Variants in LINGO2 observed in about 807,000 individuals in gnomAD.
The protein encoded by LINGO2 is leucine rich repeat and Ig domain containing 2, also known as leucine-rich repeat and immunoglobulin-like domain-containing nogo receptor-interacting protein 2.
Under a neutral mutation model 30.6 loss-of-function variants are expected in LINGO2, and 14 were observed. That is an observed-to-expected ratio of 0.46 (90% CI 0.30 to 0.72). The LOEUF (loss-of-function observed/expected upper bound fraction) is 0.72. LINGO2 is among the 30% of genes least tolerant of loss of function. The probability of loss-of-function intolerance (pLI) is 0.07; values close to 1 mark genes in which losing one functional copy is unlikely to be tolerated. For synonymous variants in LINGO2, 317 were observed against 288.5 expected (o/e 1.10, Z -1.00); for missense variants, 729 against 751.7 (o/e 0.97, Z 0.35).
chr9:28,736,898 T>G, the LINGO2 span, among the ~76,000 whole-genome samples: 1 of 152,220 alleles, frequency 6.6e-6, no homozygotes, highest in South Asian at 2.1e-4. Context: ...GCAGGCATTC[T>G]GTGCTTATGA....
intron 1 of LINGO2, among the ~76,000 whole-genome samples, chr9:28,591,624 T>C (rs1012957941): frequency 1.3e-5 from 2 of 151,986 alleles, no homozygotes; most frequent in African/African-American, 4.8e-5. Context: ...TAGATGGGTA[T>C]TTTGGAGAAG....
At chr9:28,836,383 C>T in the LINGO2 span, among the ~76,000 whole-genome samples, 8 of 152,164 alleles carry the variant, frequency 5.3e-5, no homozygotes, top group Admixed American at 4.6e-4. Context: ...GGGGCGATCT[C>T]GGCTCACCAC....
the LINGO2 span, among the ~76,000 whole-genome samples, chr9:28,693,639 T>G: frequency 6.6e-6 from 1 of 152,244 alleles, no homozygotes. Context: ...AATCTTAATC[T>G]GAACTCTGTC....
At chr9:28,991,632 A>T in the LINGO2 span, among the ~76,000 whole-genome samples, 1 of 149,330 alleles carries the variant, frequency 6.7e-6, no homozygotes, top group African/African-American at 2.5e-5. Context: ...CGGGTTACCC[A>T]CAAAGGGAAG....
At chr9:28,357,137 A>C (rs138557171) in intron 3 of LINGO2, among the ~76,000 whole-genome samples, 59 of 152,248 alleles carry the variant, frequency 3.9e-4, no homozygotes, top group African/African-American at 1.4e-3. Context: ...GATAGCCAAT[A>C]GTTAAAACAG....
chr9:28,895,159 T>G, the LINGO2 span, among the ~76,000 whole-genome samples: 1 of 152,064 alleles, frequency 6.6e-6, no homozygotes, highest in African/African-American at 2.4e-5. Context: ...CTAATTACAA[T>G]AATTCAAGAG....
At chr9:28,374,052 C>T (rs1008187515) in intron 2 of LINGO2, among the ~76,000 whole-genome samples, 8 of 152,108 alleles carry the variant, frequency 5.3e-5, no homozygotes, top group Admixed American at 1.3e-4. Context: ...TCCTTTAACC[C>T]GCACAACAAC....
At chr9:28,553,970 G>A (rs1052085528) in intron 1 of LINGO2, among the ~76,000 whole-genome samples, 3 of 151,976 alleles carry the variant, frequency 2.0e-5, no homozygotes, top group South Asian at 2.1e-4. Flanking sequence ...TCACCACCAG[G>A]CCTGCCCTAA....
At chr9:28,474,577 A>AT (rs1292372466) in intron 2 of LINGO2, among the ~76,000 whole-genome samples, 1 of 152,022 alleles carries the variant, frequency 6.6e-6, no homozygotes, top group Non-Finnish European at 1.5e-5. Context: ...AATTTTTGTC[A>AT]TTTTTCATTT....
intron 1 of LINGO2, among the ~76,000 whole-genome samples, chr9:28,591,647 G>T (rs1373389496): frequency 2.0e-5 from 3 of 152,158 alleles, no homozygotes; most frequent in Non-Finnish European, 4.4e-5. Context: ...AGATGTGAAG[G>T]TTGGGAACGC....
intron 4 of LINGO2, among the ~76,000 whole-genome samples, chr9:28,150,286 A>G (rs755532754): frequency 3.9e-5 from 6 of 152,186 alleles, no homozygotes; most frequent in Non-Finnish European, 7.3e-5. Flanking sequence ...CAACCTTCCA[A>G]GTGTGAAGTG....
At chr9:28,661,145 A>AATATATATATATATAT (rs372827051) in intron 1 of LINGO2, among the ~76,000 whole-genome samples, 2 of 150,064 alleles carry the variant, frequency 1.3e-5, no homozygotes, top group African/African-American at 4.9e-5. Flanking sequence ...GATGCAGAAA[A>AATATATATATATATAT]ATATATATAT....
chr9:28,032,522 T>G (rs935877938), intron 4 of LINGO2, among the ~76,000 whole-genome samples: 3 of 152,216 alleles, frequency 2.0e-5, no homozygotes, highest in African/African-American at 7.2e-5. Flanking sequence ...GCCAGAAATA[T>G]CTTCCATCTC....
chr9:28,467,398 A>C (rs531399483), intron 2 of LINGO2, among the ~76,000 whole-genome samples: 1 of 152,282 alleles, frequency 6.6e-6, no homozygotes, highest in South Asian at 2.1e-4. Context: ...AACATAGTGA[A>C]AACAATATTG....
chr9:28,540,133 C>T (rs185026860), intron 1 of LINGO2, among the ~76,000 whole-genome samples: 8 of 152,076 alleles, frequency 5.3e-5, no homozygotes, highest in Admixed American at 1.3e-4. Flanking sequence ...ACACAGGACT[C>T]GGACTCTAAC....
At chr9:29,060,913 G>A in the LINGO2 span, among the ~76,000 whole-genome samples, 1 of 151,874 alleles carries the variant, frequency 6.6e-6, no homozygotes, top group Non-Finnish European at 1.5e-5. Flanking sequence ...GAAGTTTTAA[G>A]ATGTATCTTT....
chr9:28,424,876 G>A (rs935273997), intron 2 of LINGO2, among the ~76,000 whole-genome samples: 1 of 152,076 alleles, frequency 6.6e-6, no homozygotes, highest in Non-Finnish European at 1.5e-5. Flanking sequence ...AGCAGGCCTT[G>A]TTTGAGTCCT....
chr9:27,962,086 G>C (rs1028411008), intron 5 of LINGO2, among the ~76,000 whole-genome samples: 11 of 152,080 alleles, frequency 7.2e-5, no homozygotes, highest in African/African-American at 2.7e-4. Flanking sequence ...GAATTTCTTT[G>C]GTAGGGCAGG....
chr9:29,112,342 A>C, the LINGO2 span, among the ~76,000 whole-genome samples: 2 of 152,092 alleles, frequency 1.3e-5, no homozygotes, highest in Non-Finnish European at 2.9e-5. Context: ...AGACCTGCTG[A>C]ATCTGAAACT....
Sources: allele counts gnomAD v4.1 joint callset (sites outside exome capture counted in the v4.1 genomes callset), GRCh38; gene constraint gnomAD v4.1.1; transcripts MANE v1.5; gene names NCBI Gene and HGNC (gene_info 2026-07-23, HGNC 2026-07-21).